Variants in SMC4 observed in about 807,000 individuals in gnomAD.
The protein encoded by SMC4 is structural maintenance of chromosomes 4, also known as structural maintenance of chromosomes protein 4.
Under a neutral mutation model 145.6 loss-of-function variants are expected in SMC4, and 87 were observed. The ratio of observed to expected loss-of-function variants is 0.60; its 90% confidence interval spans 0.50 to 0.71. The LOEUF (loss-of-function observed/expected upper bound fraction) is 0.71, where lower values mean the gene tolerates loss of function less well. Among genes scored for constraint, SMC4 ranks in the 30% least tolerant of loss-of-function variants. The probability of loss-of-function intolerance (pLI) is 0.00; values close to 1 mark genes in which losing one functional copy is unlikely to be tolerated. For missense variants in SMC4, 1,447 were observed against 1,537.1 expected, an observed-to-expected ratio of 0.94 and a Z score of 0.98; for synonymous variants, 558 against 500.7, an observed-to-expected ratio of 1.11 and a Z score of -1.53.
chr3:160,423,961 C>A, intron 15 of SMC4, 121 bp downstream of exon 15: 1 of 574,436 alleles, frequency 1.7e-6, no homozygotes, highest in Non-Finnish European at 2.9e-6. Context: ...TAATAGATGG[C>A]GTTTTCTATA....
rs1718509261 is a variant in SMC4, at chr3:160,432,445, A to G, written c.3460A>G (p.Thr1154Ala). Residue 1154 changes from threonine to alanine, a missense_variant, in exon 22 of 24, where the codon ACT becomes GCT. By Grantham distance (58) the Thr-to-Ala change is moderately conservative. Transcript: ENST00000357388. ...ATTAAAGGAAAATTACCAAATGCTTACTTTGGGAGGGGACGCCGAACTCGA... is the reference window on the plus strand; with the variant it reads ...ATTAAAGGAAAATTACCAAATGCTTGCTTTGGGAGGGGACGCCGAACTCGA... ...NKLKENYQML[T>A]LGGDAELELV... The G allele has an allele frequency of 1.2e-6, 2 of 1,613,122 alleles. No homozygotes were observed. Among genetic ancestry groups the G allele is most frequent in the Admixed American group, 1.7e-5 (1 of 59,944 alleles).
intron 7 of SMC4, chr3:160,412,753 C>T (rs535238755): frequency 3.7e-6 from 3 of 805,386 alleles, no homozygotes; most frequent in East Asian, 1.1e-4. Context: ...CTGGCTGTGA[C>T]ACCTGTCATC....
At position 160,405,262 on chromosome 3, in the gene SMC4, T is replaced by C. The variant is rs568280675; in HGVS notation, c.687+758T>C. 9.1e-4 allele frequency among the ~76,000 whole-genome samples: 139 copies of C among 151,932 alleles called. 2 individuals carry two copies. The highest frequency in any genetic ancestry group is 5.9e-4 in the Admixed American group (9 of 15,266). On this transcript the variant is annotated intron_variant, in intron 5 of 23. Transcript: ENST00000357388. ...TAAAAGTATATTCTACCAGCATGGC[T>C]TGGTAAGAAAAATCCCCTATCTTTT...
chr3:160,422,913 C>T (rs1717336842), intron 13 of SMC4, among the ~76,000 whole-genome samples: 1 of 152,140 alleles, frequency 6.6e-6, no homozygotes, highest in African/African-American at 2.4e-5. Flanking sequence ...ATTCTTTACC[C>T]CATTGAATTT....
At chr3:160,427,284 G>A (rs550722157) in intron 17 of SMC4, among the ~76,000 whole-genome samples, 19 of 152,168 alleles carry the variant, frequency 1.2e-4, no homozygotes, top group Non-Finnish European at 2.6e-4. Flanking sequence ...AAGTATGAGT[G>A]CTAACCCATG....
At chr3:160,431,340 C>G (rs929435655) in intron 20 of SMC4, 135 bp downstream of exon 20, 6 of 728,022 alleles carry the variant, frequency 8.2e-6, no homozygotes, top group Non-Finnish European at 1.3e-5. Flanking sequence ...ATTCTGTGAT[C>G]ACTTCTAAGG....
At position 160,428,771 on chromosome 3, in the gene SMC4, A is replaced by C; in HGVS notation, c.2624A>C (p.Glu875Ala). The C allele has an allele frequency of 6.3e-7, 1 of 1,586,662 alleles. No homozygotes were observed. Among genetic ancestry groups the C allele is most frequent in the East Asian group, 2.3e-5 (1 of 43,976 alleles). Reference protein sequence around the residue: ...AFKTEYDAVAEKAGKVEAEVK... With the variant: ...AFKTEYDAVAAKAGKVEAEVK... ...ATTTCAGAATATGATGCTGTGGCTG[A>C]GAAAGCTGGTAAAGTAGAAGCTGAG... Residue 875 changes from glutamate to alanine, a missense_variant, in exon 18 of 24, where the codon GAG (glutamate) becomes GCG (alanine). Physicochemically the swap from Glu to Ala is moderately radical, Grantham distance 107. Coordinates refer to ENST00000357388, the MANE Select transcript of SMC4 (RefSeq NM_001002800.3).
In SMC4 at chr3:160,417,958, T is replaced by G; in HGVS notation, c.1671+2T>G. The G allele has an allele frequency of 6.2e-7, 1 of 1,604,302 alleles. No individual in the cohort carries two copies. Among genetic ancestry groups the G allele is most frequent in the Non-Finnish European group, 8.5e-7 (1 of 1,173,834 alleles). The stretch of plus-strand genomic sequence containing the variant: ...CAAACTGAACAAGAATTAAAGGAGG[T>G]AAATCTTTGCTTCTCTGTTGCATCA... On this transcript the variant is annotated splice_donor_variant, in intron 11 of 23. Transcript: ENST00000357388. LOFTEE classifies it high-confidence loss of function.
At chr3:160,412,134 TC>T in intron 6 of SMC4, 50 bp downstream of exon 6, 1 of 1,569,042 alleles carries the variant, frequency 6.4e-7, no homozygotes. Context: ...TCATTTATGA[TC>T]TAACAAATTT....
rs756986969 is a variant in SMC4 at position 160,402,870 on chromosome 3, A to G, written c.510+3A>G. ...ATTTTCAAAAGATAATTGATAAGGTAAGGGATTTTTACTGTTATTGGCAAG... is the reference window on the plus strand; with the variant it reads ...ATTTTCAAAAGATAATTGATAAGGTGAGGGATTTTTACTGTTATTGGCAAG... On this transcript the variant is annotated splice_donor_region_variant and intron_variant, in intron 4 of 23. Coordinates refer to ENST00000357388, the MANE Select transcript of SMC4 (RefSeq NM_001002800.3). The G allele has an allele frequency of 1.9e-6, 3 of 1,548,762 alleles. No individual in the cohort carries two copies. Among genetic ancestry groups the G allele is most frequent in the East Asian group, 2.4e-5 (1 of 41,290 alleles).
intron 3 of SMC4, among the ~76,000 whole-genome samples, chr3:160,402,472 C>T (rs1714806783): frequency 1.3e-5 from 2 of 152,168 alleles, no homozygotes; most frequent in East Asian, 1.9e-4. Flanking sequence ...AGAATTGGAG[C>T]ATTCTTATTG....
chr3:160,415,922 C>T (rs1360330667), intron 9 of SMC4, among the ~76,000 whole-genome samples: 1 of 152,098 alleles, frequency 6.6e-6, no homozygotes, highest in Non-Finnish European at 1.5e-5. Flanking sequence ...TAGAAAATTC[C>T]GTGTAGTCAG....
Position 160,431,722 on chromosome 3 carries a change from C to G in SMC4, c.3194C>G (p.Ala1065Gly). Residue 1065 changes from alanine (A) to glycine (G), a missense_variant, in exon 21 of 24, where the codon GCG (alanine) becomes GGG (glycine). Coordinates refer to ENST00000357388, the MANE Select transcript of SMC4 (RefSeq NM_001002800.3). ...GTTCTAAGCCCAGAGGATCTTGAAG[C>G]GATCAAGAATCCAGATTCTATAACA... The part of the protein sequence containing the change: ...ISVLSPEDLE[A>G]IKNPDSITNQ... 6.2e-7 allele frequency: 1 copy of G among 1,613,442 alleles called. No individual in the cohort carries two copies. The highest frequency in any genetic ancestry group is 8.5e-7 in the Non-Finnish European group (1 of 1,179,624).
intron 21 of SMC4, 34 bp downstream of exon 21, chr3:160,431,859 G>C: frequency 6.4e-7 from 1 of 1,554,854 alleles, no homozygotes; most frequent in South Asian, 1.2e-5. Context: ...ACTAGTTGGA[G>C]TTCTTTTTAG....
rs1037144012 is a variant in SMC4, at chr3:160,401,079, G to T, written c.139+114G>T. Reference sequence around the variant, plus strand: ...GCGCGGAGTTGACATCTGAAGGTCCGGTGTCGGTCCGGTAGAGGCTCAGGA... The same window carrying T: ...GCGCGGAGTTGACATCTGAAGGTCCTGTGTCGGTCCGGTAGAGGCTCAGGA... On this transcript the variant is annotated intron_variant, in intron 2 of 23. Coordinates refer to ENST00000357388, the MANE Select transcript of SMC4 (RefSeq NM_001002800.3). 5.5e-6 allele frequency: 7 copies of T among 1,282,770 alleles called. No homozygotes were observed. In the Admixed American group the frequency reaches 1.2e-4, roughly 23 times the overall value. 79.5% of individuals were successfully genotyped at this position (1,282,770 alleles called of 1,614,324 possible).
intron 13 of SMC4, 47 bp downstream of exon 13, chr3:160,420,948 G>A: frequency 7.3e-7 from 1 of 1,375,096 alleles, no homozygotes. Flanking sequence ...TTTTTTTTTT[G>A]AGACGTAGTC....
intron 9 of SMC4, among the ~76,000 whole-genome samples, chr3:160,415,084 A>G (rs1277850836): frequency 1.3e-5 from 2 of 152,216 alleles, no homozygotes; most frequent in African/African-American, 4.8e-5. Flanking sequence ...AAGAATTACC[A>G]ATGTTGGCCA....
chr3:160,413,274 A>G (rs1716217407), intron 7 of SMC4, among the ~76,000 whole-genome samples, 199 bp from the exon 8 acceptor site: 1 of 151,954 alleles, frequency 6.6e-6, no homozygotes, highest in Non-Finnish European at 1.5e-5. Flanking sequence ...GTCGGCCACC[A>G]CATTGGTACA....
At chr3:160,406,020 TTCTCTGTACAGCA>T (rs1265993784) in intron 5 of SMC4, among the ~76,000 whole-genome samples, 2 of 152,052 alleles carry the variant, frequency 1.3e-5, no homozygotes, top group Admixed American at 6.5e-5. Context: ...GATAATTTTT[TTCTCTGTACAGCA>T]TCTCTGTACG....
Sources: gnomAD v4.1 joint callset for allele counts (sites outside exome capture counted in the v4.1 genomes callset) on GRCh38, gnomAD v4.1.1 for gene constraint, MANE v1.5 for transcripts, NCBI Gene and HGNC (gene_info 2026-07-23, HGNC 2026-07-21) for gene names.